FGFRL1: variants seen among roughly 807,000 people sequenced by gnomAD.
FGFRL1 encodes fibroblast growth factor receptor-like 1.
FGFRL1 carries 24 observed loss-of-function variants against 36.8 expected under a neutral mutation model. That is an observed-to-expected ratio of 0.65 (90% CI 0.47 to 0.92). The LOEUF is 0.92. Ranked by LOEUF, FGFRL1 falls within the 40% of genes least tolerant of loss-of-function variation. The pLI is 0.00. For synonymous variants in FGFRL1, 422 were observed against 344.1 expected, an observed-to-expected ratio of 1.23 and a Z score of -2.50; for missense variants, 785 against 753.4, an observed-to-expected ratio of 1.04 and a Z score of -0.49.
At position 1,023,575 on chromosome 4, in the gene FGFRL1, G is replaced by A; in HGVS notation, c.353-66G>A. The A allele has an allele frequency of 6.9e-7, 1 of 1,447,464 alleles. No individual in the cohort carries two copies. Among genetic ancestry groups the A allele is most frequent in the Non-Finnish European group, 9.5e-7 (1 of 1,054,578 alleles). 89.7% of individuals were successfully genotyped at this position (1,447,464 alleles called of 1,614,324 possible). On this transcript the variant is annotated intron_variant, in intron 3 of 6. Transcript: ENST00000510644. The surrounding 1 kb of genome is among the most constrained non-coding windows in gnomAD (Gnocchi z 6.0). ...GGCTGGGGGAGCTAGAGGCCACGGG[G>A]GAGTTGGGGGAGCTCCTCAGGGCCC...
Position 1,025,056 on chromosome 4 carries a change from C to G in FGFRL1, c.1224C>G (p.Pro408=). The change falls in exon 7 of 7, where the codon CCC becomes CCG. Residue 408 remains proline (P), a synonymous_variant. Coordinates refer to ENST00000510644, the MANE Select transcript of FGFRL1 (RefSeq NM_001004356.3). ...LCQAQKKPCT[P]APAPPLPGHR... ...AGGCCCAGAAGAAGCCGTGCACCCCCGCGCCTGCCCCTCCCCTGCCTGGGC... is the reference window on the plus strand; with the variant it reads ...AGGCCCAGAAGAAGCCGTGCACCCCGGCGCCTGCCCCTCCCCTGCCTGGGC... The G allele has an allele frequency of 6.2e-7, 1 of 1,609,676 alleles. No homozygotes were observed. Among genetic ancestry groups the G allele is most frequent in the Admixed American group, 1.7e-5 (1 of 59,866 alleles).
In FGFRL1 at chr4:1,022,486, G is replaced by A. The variant is rs1431370707; in HGVS notation, c.352+11G>A. On this transcript the variant is annotated intron_variant, in intron 3 of 6. Transcript: ENST00000510644. ...CCCTCGTCGTGCTGGGTTAGTCGCT[G>A]CTGCGGTCAGAGGTCATGGGCTGGG... is the stretch of plus-strand genomic sequence containing the variant. The A allele has an allele frequency of 3.8e-6, 6 of 1,583,712 alleles. No homozygotes were observed. The South Asian group carries it at 5.8e-5, about 15-fold the overall frequency.
At chr4:1,014,652 CGTGG>C (rs1171450182) in intron 2 of FGFRL1, among the ~76,000 whole-genome samples, 1 of 152,216 alleles carries the variant, frequency 6.6e-6, no homozygotes, top group African/African-American at 2.4e-5. Flanking sequence ...AAGCAATAGC[CGTGG>C]GTGTACGGTG....
chr4:1,020,554 TCACA>T (rs969107666), intron 2 of FGFRL1, among the ~76,000 whole-genome samples: 4 of 145,286 alleles, frequency 2.8e-5, no homozygotes, highest in Non-Finnish European at 6.0e-5. Context: ...CTGGGGCTGG[TCACA>T]CACACACAGA....
At position 1,023,968 on chromosome 4, in the gene FGFRL1, G is replaced by A; in HGVS notation, c.585G>A (p.Glu195=). ...MKDDQALTRP[E]AAEPRKKKWT... is the part of the protein sequence containing the mutation. Reference sequence around the variant, plus strand: ...ACGACCAGGCCTTGACGCGCCCAGAGGCCGCTGAGCCCAGGAAGAAGAAGT... The same window carrying A: ...ACGACCAGGCCTTGACGCGCCCAGAAGCCGCTGAGCCCAGGAAGAAGAAGT... The change falls in exon 5 of 7, where the codon GAG becomes GAA. Residue 195 remains glutamate (E), a synonymous_variant. Coordinates refer to ENST00000510644, the MANE Select transcript of FGFRL1 (RefSeq NM_001004356.3). The surrounding 1 kb of genome is among the most constrained non-coding windows in gnomAD (Gnocchi z 6.0). The A allele has an allele frequency of 3.1e-6, 5 of 1,598,668 alleles. No homozygotes were observed. The highest frequency in any genetic ancestry group is 1.7e-4 in the Middle Eastern group (1 of 6,056).
chr4:1,024,226 C>CTGGGGG, intron 5 of FGFRL1, 85 bp from the exon 6 acceptor site: 1 of 242,694 alleles, frequency 4.1e-6, no homozygotes. Context: ...GGGTGGTGGG[C>CTGGGGG]TGGGGGTGCT....
rs1407181212 is a variant in FGFRL1 at position 1,024,889 on chromosome 4, C to T, written c.1073-16C>T. The T allele has an allele frequency of 2.5e-6, 4 of 1,574,336 alleles. No individual in the cohort carries two copies. Among genetic ancestry groups the T allele is most frequent in the Admixed American group, 1.7e-5 (1 of 58,090 alleles). The stretch of plus-strand genomic sequence containing the variant: ...CGGCGTTCCCCTCCCTACCTCCTTT[C>T]CTCTCGCTCTTGCAGACCCAAAACC... On this transcript the variant is annotated splice_polypyrimidine_tract_variant and intron_variant, in intron 6 of 6. Coordinates refer to ENST00000510644, the MANE Select transcript of FGFRL1 (RefSeq NM_001004356.3).
intron 2 of FGFRL1, among the ~76,000 whole-genome samples, chr4:1,013,403 C>G (rs1009891307): frequency 6.6e-6 from 1 of 152,258 alleles, no homozygotes; most frequent in Non-Finnish European, 1.5e-5. Flanking sequence ...GCTGTGTCCA[C>G]CAGTCCTGAG....
In FGFRL1 at chr4:1,023,271, A is replaced by C. The variant is rs1446949785; in HGVS notation, c.353-370A>C. 6.6e-6 allele frequency among the ~76,000 whole-genome samples: 1 copy of C among 151,552 alleles called. No individual in the cohort carries two copies. The highest frequency in any genetic ancestry group is 1.5e-5 in the Non-Finnish European group (1 of 67,840). ...CACAGTCCTTTCAAAGGGGACGATG[A>C]CCGGGTGGTATGAGAGTCTCGTCTG... On this transcript the variant is annotated intron_variant, in intron 3 of 6. Transcript: ENST00000510644. This position sits in a 1 kb window ranked among gnomAD's most constrained non-coding sequence, Gnocchi z 6.0.
Position 1,024,438 on chromosome 4 carries a change from GC to G in FGFRL1, c.847del (p.Arg283AlafsTer297). On this transcript the variant is annotated frameshift_variant, in exon 6 of 7. Transcript: ENST00000510644. LOFTEE classifies it high-confidence loss of function. The stretch of plus-strand genomic sequence containing the variant: ...TGAAGCCGGTGATCCAGTGGCTGAA[GC>G]GCGTGGAGTACGGCGCCGAGGGCCG... ...DVKPVIQWLKRVEYGAEGRHN... is the reference protein window; with the variant it reads ...DVKPVIQWLKXVEYGAEGRHN... The G allele has an allele frequency of 6.2e-7, 1 of 1,612,600 alleles. No homozygotes were observed. The highest frequency in any genetic ancestry group is 8.5e-7 in the Non-Finnish European group (1 of 1,179,868).
chr4:1,026,310 C>CACACAGATAAT lies in FGFRL1; in HGVS notation c.*963_*964insACACAGATAAT, dbSNP rs1206472901. 5 of 157,682 alleles carry CACACAGATAAT rather than the reference C, an allele frequency of 3.2e-5. No homozygotes were observed. Among genetic ancestry groups the CACACAGATAAT allele is most frequent in the Admixed American group, 1.3e-4 (2 of 15,478 alleles). 9.8% of individuals were successfully genotyped at this position (157,682 alleles called of 1,614,324 possible). A position where few individuals can be genotyped will look rare whatever the true frequency, so the allele number is the denominator to read the frequency against. On this transcript the variant is annotated 3_prime_UTR_variant, in exon 7 of 7. Transcript: ENST00000510644. ...GGTGCAGATATGCTGCCTGGACACA[C>CACACAGATAAT]GCAGACTGACGTGCTTTTGGGAGGG...
chr4:1,023,578 G>A lies in FGFRL1; in HGVS notation c.353-63G>A. 2.7e-6 allele frequency: 4 copies of A among 1,477,240 alleles called. No homozygotes were observed. The highest frequency in any genetic ancestry group is 3.7e-6 in the Non-Finnish European group (4 of 1,081,678). 91.5% of individuals were successfully genotyped at this position (1,477,240 alleles called of 1,614,324 possible). ...TGGGGGAGCTAGAGGCCACGGGGGA[G>A]TTGGGGGAGCTCCTCAGGGCCCCCC... On this transcript the variant is annotated intron_variant, in intron 3 of 6. Coordinates refer to ENST00000510644, the MANE Select transcript of FGFRL1 (RefSeq NM_001004356.3). The surrounding 1 kb of genome is among the most constrained non-coding windows in gnomAD (Gnocchi z 6.0).
rs868774272 is a variant in FGFRL1 at position 1,025,139 on chromosome 4, C to T, written c.1307C>T (p.Ala436Val). Residue 436 changes from alanine (A) to valine (V), a missense_variant, in exon 7 of 7, where the codon GCC becomes GTC. Physicochemically the swap from Ala to Val is moderately conservative, Grantham distance 64. Transcript: ENST00000510644. ...GGAGACAAGGACCTTCCCTCGTTGG[C>T]CGCCCTCAGCGCTGGCCCTGGTGTG... is the stretch of plus-strand genomic sequence containing the variant. ...RSGDKDLPSL[A>V]ALSAGPGVGL... 6.2e-7 allele frequency: 1 copy of T among 1,610,404 alleles called. No homozygotes were observed. Among genetic ancestry groups the T allele is most frequent in the Middle Eastern group, 1.7e-4 (1 of 6,044 alleles).
chr4:1,019,273 C>T (rs1316818391), intron 2 of FGFRL1, among the ~76,000 whole-genome samples: 1 of 152,228 alleles, frequency 6.6e-6, no homozygotes, highest in Non-Finnish European at 1.5e-5. Flanking sequence ...TGTGCTCCCA[C>T]CCAGGACAGG....
At chr4:1,011,450 C>G (rs1321918803), upstream of FGFRL1, among the ~76,000 whole-genome samples, 4 of 142,566 alleles carry the variant, frequency 2.8e-5, no homozygotes, top group East Asian at 8.3e-4. Flanking sequence ...CCCGCGGGGA[C>G]GTCCGCACCG....
At chr4:1,013,587 C>T (rs931683385) in intron 2 of FGFRL1, among the ~76,000 whole-genome samples, 5 of 152,268 alleles carry the variant, frequency 3.3e-5, no homozygotes, top group Non-Finnish European at 4.4e-5. Context: ...TCTGAGGGCC[C>T]GGCAGCGTCC....
At chr4:1,010,326 C>T (rs1181663121), upstream of FGFRL1, among the ~76,000 whole-genome samples, 1 of 152,274 alleles carries the variant, frequency 6.6e-6, no homozygotes, top group Non-Finnish European at 1.5e-5. Context: ...TCCGAGCGCA[C>T]CTCCATCCGC....
At position 1,024,357 on chromosome 4, in the gene FGFRL1, C is replaced by T. The variant is rs1219953556; in HGVS notation, c.765C>T (p.Asn255=). 1.2e-6 allele frequency: 2 copies of T among 1,611,826 alleles called. No individual in the cohort carries two copies. Among genetic ancestry groups the T allele is most frequent in the Non-Finnish European group, 1.7e-6 (2 of 1,179,408 alleles). The change falls in exon 6 of 7, where the codon AAC becomes AAT. Residue 255 remains asparagine, a synonymous_variant. Transcript: ENST00000510644. Reference sequence around the variant, plus strand: ...TGCTCACAGGCACGCACCCCGTGAACACGACGGTGGACTTCGGGGGGACCA... The same window carrying T: ...TGCTCACAGGCACGCACCCCGTGAATACGACGGTGGACTTCGGGGGGACCA... ...KPVLTGTHPV[N]TTVDFGGTTS...
rs1560565963 is a variant in FGFRL1 at position 1,025,037 on chromosome 4, A to G, written c.1205A>G (p.Gln402Arg). 5 of 1,610,962 alleles carry G rather than the reference A, an allele frequency of 3.1e-6. No individual in the cohort carries two copies. The highest frequency in any genetic ancestry group is 4.2e-6 in the Non-Finnish European group (5 of 1,179,466). ...CTGCTCCTGTGGCTTTGCCAGGCCC[A>G]GAAGAAGCCGTGCACCCCCGCGCCT... ...GTLLLWLCQA[Q>R]KKPCTPAPAP... Residue 402 changes from glutamine to arginine, a missense_variant, in exon 7 of 7, where the codon CAG (glutamine) becomes CGG (arginine). Coordinates refer to ENST00000510644, the MANE Select transcript of FGFRL1 (RefSeq NM_001004356.3).
Sources: gnomAD v4.1 joint callset for allele counts (sites outside exome capture counted in the v4.1 genomes callset) on GRCh38, gnomAD v4.1.1 for gene constraint, Gnocchi (gnomAD v3.1) non-coding constraint, MANE v1.5 for transcripts, NCBI Gene and HGNC (gene_info 2026-07-23, HGNC 2026-07-21) for gene names.